Variants in PTPRT observed in about 807,000 individuals in gnomAD.
The protein encoded by PTPRT is protein tyrosine phosphatase receptor type T.
A neutral mutation model predicts 176.8 loss-of-function variants in PTPRT; 56 were observed. The ratio of observed to expected loss-of-function variants is 0.32; its 90% CI spans 0.26 to 0.40. PTPRT has a LOEUF of 0.40. PTPRT is among the 10% of genes least tolerant of loss of function. PTPRT has a pLI of 1.00. For missense variants in PTPRT, 1,540 were observed against 1,908.2 expected (o/e 0.81, Z 3.60); for synonymous variants, 783 against 739.0 (o/e 1.06, Z -0.96).
At chr20:42,489,376 T>C (rs2071521084) in intron 7 of PTPRT, among the ~76,000 whole-genome samples, 1 of 152,112 alleles carries the variant, frequency 6.6e-6, no homozygotes, top group African/African-American at 2.4e-5. Context: ...CCAAGTGTAA[T>C]TGGCCCATTT....
At chr20:42,936,490 A>T (rs1024289686) in intron 1 of PTPRT, among the ~76,000 whole-genome samples, 4 of 152,222 alleles carry the variant, frequency 2.6e-5, no homozygotes, top group Admixed American at 1.3e-4. Context: ...TTTTTATTGC[A>T]AATAAGATGG....
chr20:43,104,468 CAACT>C (rs1402757405), intron 1 of PTPRT, among the ~76,000 whole-genome samples: 3 of 152,204 alleles, frequency 2.0e-5, no homozygotes, highest in Non-Finnish European at 4.4e-5. Flanking sequence ...TGCCACTTAC[CAACT>C]ATGACCCCAG....
intron 7 of PTPRT, among the ~76,000 whole-genome samples, chr20:42,640,165 T>G (rs1296584112): frequency 6.6e-6 from 1 of 152,180 alleles, no homozygotes; most frequent in Non-Finnish European, 1.5e-5. Flanking sequence ...TTGCACCTTG[T>G]GTTACTTGAA....
At chr20:42,138,081 G>A (rs1431168397) in intron 18 of PTPRT, among the ~76,000 whole-genome samples, 2 of 152,218 alleles carry the variant, frequency 1.3e-5, no homozygotes, top group African/African-American at 4.8e-5. Flanking sequence ...AATACAGATT[G>A]CTAGACTCTG....
chr20:43,038,181 G>A (rs1032532067), intron 1 of PTPRT, among the ~76,000 whole-genome samples: 4 of 149,772 alleles, frequency 2.7e-5, no homozygotes, highest in South Asian at 4.1e-4. Flanking sequence ...CACAATATAC[G>A]TATCATATTA....
chr20:42,071,080 A>G (rs1982309949), downstream of PTPRT, among the ~76,000 whole-genome samples: 1 of 152,162 alleles, frequency 6.6e-6, no homozygotes, highest in Non-Finnish European at 1.5e-5. Flanking sequence ...CATGTTCTCT[A>G]GACTCTGTGG....
chr20:42,055,540 T>TG, the PTPRT span, among the ~76,000 whole-genome samples: 146 of 152,268 alleles, frequency 9.6e-4, 1 homozygote, highest in African/African-American at 3.3e-3. Context: ...GCTTGAGCTC[T>TG]GGGGGCAAGG....
chr20:43,123,374 C>T (rs1300380942), intron 1 of PTPRT, among the ~76,000 whole-genome samples: 2 of 152,192 alleles, frequency 1.3e-5, no homozygotes, highest in African/African-American at 4.8e-5. Context: ...AACTGTCAGT[C>T]ATCTCCTCGA....
chr20:42,964,243 G>C (rs866980627), intron 1 of PTPRT, among the ~76,000 whole-genome samples: 31 of 152,046 alleles, frequency 2.0e-4, no homozygotes, highest in African/African-American at 7.2e-4. Flanking sequence ...CAAGTGTATC[G>C]AAATATTTTC....
At chr20:42,670,181 G>T (rs1600581377) in intron 7 of PTPRT, among the ~76,000 whole-genome samples, 1 of 152,208 alleles carries the variant, frequency 6.6e-6, no homozygotes, top group South Asian at 2.1e-4. Flanking sequence ...ATCAGGTTCT[G>T]ACATCCTTTC....
At chr20:42,291,537 A>T (rs1269995079) in intron 12 of PTPRT, among the ~76,000 whole-genome samples, 1 of 152,170 alleles carries the variant, frequency 6.6e-6, no homozygotes, top group Non-Finnish European at 1.5e-5. Flanking sequence ...AGTAAGTGAG[A>T]AGTGCCAGGT....
At chr20:42,654,353 C>T (rs2075086080) in intron 7 of PTPRT, among the ~76,000 whole-genome samples, 1 of 152,156 alleles carries the variant, frequency 6.6e-6, no homozygotes, top group Admixed American at 6.5e-5. Context: ...ACAAAAAACA[C>T]TGTCCCAGAC....
At chr20:42,684,302 G>A (rs1365135886) in intron 6 of PTPRT, among the ~76,000 whole-genome samples, 1 of 151,794 alleles carries the variant, frequency 6.6e-6, no homozygotes, top group Non-Finnish European at 1.5e-5. Context: ...CCAGGATCAT[G>A]CCACTGCACT....
At chr20:42,567,729 G>A (rs2073069100) in intron 7 of PTPRT, among the ~76,000 whole-genome samples, 1 of 152,218 alleles carries the variant, frequency 6.6e-6, no homozygotes, top group African/African-American at 2.4e-5. Context: ...CTGAAGCACT[G>A]CACAGATGTA....
chr20:42,278,020 A>C (rs1433535812), intron 13 of PTPRT, among the ~76,000 whole-genome samples: 1 of 139,650 alleles, frequency 7.2e-6, no homozygotes. Flanking sequence ...CAGTCTTTGC[A>C]CTTACGTCAC....
rs547787925 is a variant in PTPRT at position 42,265,611 on chromosome 20, C to T, written c.2177-16789G>A. On this transcript the variant is annotated intron_variant, in intron 13 of 30. Transcript: ENST00000373187. ...CCTGTCTTCGCCTCTCTCCATGAAG[C>T]ATTTTCCCCTCATGGTGGCTGTTCA... Among the ~76,000 whole-genome samples, 5 of 152,250 alleles carry T rather than the reference C, an allele frequency of 3.3e-5. No individual in the cohort carries two copies. The South Asian group carries it at 1.0e-3, about 32-fold the overall frequency.
At chr20:42,979,521 A>G (rs1304134497) in intron 1 of PTPRT, among the ~76,000 whole-genome samples, 1 of 152,106 alleles carries the variant, frequency 6.6e-6, no homozygotes, top group African/African-American at 2.4e-5. Context: ...CGCTGTGCTG[A>G]TTCTTATTTC....
intron 6 of PTPRT, among the ~76,000 whole-genome samples, chr20:42,679,787 A>G (rs1482606753): frequency 6.6e-6 from 1 of 152,122 alleles, no homozygotes; most frequent in African/African-American, 2.4e-5. Context: ...CCATCAGGTT[A>G]TCACACTAAC....
At chr20:42,123,146 A>C (rs965523577) in intron 19 of PTPRT, among the ~76,000 whole-genome samples, 7 of 152,254 alleles carry the variant, frequency 4.6e-5, no homozygotes, top group Admixed American at 4.6e-4. Flanking sequence ...CTGAAGTTGG[A>C]GCATCCTCTT....
Sources: allele counts gnomAD v4.1 joint callset (sites outside exome capture counted in the v4.1 genomes callset), GRCh38; gene constraint gnomAD v4.1.1; transcripts MANE v1.5; gene names NCBI Gene and HGNC (gene_info 2026-07-23, HGNC 2026-07-21).